The following MACROH2A2 variants were observed in gnomAD, a reference collection of about 807,000 sequenced individuals.
The protein encoded by MACROH2A2 is macroH2A.2 histone.
In MACROH2A2, 6 loss-of-function variants were observed where a neutral mutation model predicts 37.6. The observed-to-expected ratio is 0.16, with a 90% CI of 0.09 to 0.32. The LOEUF is 0.32. Among genes scored for constraint, MACROH2A2 ranks in the 10% least tolerant of loss-of-function variants. MACROH2A2 has a pLI of 1.00. For synonymous variants in MACROH2A2, 192 were observed against 202.7 expected (o/e 0.95, Z 0.45); for missense variants, 290 against 485.9 (o/e 0.60, Z 3.79).
At chr10:70,071,464 T>TA (rs1232338243) in intron 1 of MACROH2A2, among the ~76,000 whole-genome samples, 1 of 152,142 alleles carries the variant, frequency 6.6e-6, no homozygotes, top group Non-Finnish European at 1.5e-5. Context: ...AGAACAACTG[T>TA]AAGGATGTTA....
chr10:70,063,619 T>C (rs1050771535), intron 1 of MACROH2A2, among the ~76,000 whole-genome samples: 3 of 152,360 alleles, frequency 2.0e-5, no homozygotes, highest in Non-Finnish European at 4.4e-5. Context: ...TCTAGGCTGA[T>C]CCACAAATGA....
intron 4 of MACROH2A2, 47 bp from the exon 5 acceptor site, chr10:70,093,688 C>A: frequency 9.5e-7 from 1 of 1,049,896 alleles, no homozygotes; most frequent in African/African-American, 1.6e-5. Context: ...GCACCTCAGG[C>A]TTTTTCTGGA....
intron 6 of MACROH2A2, among the ~76,000 whole-genome samples, chr10:70,097,546 C>T (rs2072282832): frequency 6.6e-6 from 1 of 152,144 alleles, no homozygotes; most frequent in Non-Finnish European, 1.5e-5. Context: ...GTCAAGCATA[C>T]ACAAAAAATA....
At chr10:70,055,549 A>C (rs1271930785) in intron 1 of MACROH2A2, among the ~76,000 whole-genome samples, 1 of 97,850 alleles carries the variant, frequency 1.0e-5, no homozygotes, top group Non-Finnish European at 2.3e-5. Flanking sequence ...GAAAGAAATG[A>C]AATATAAGGA....
intron 4 of MACROH2A2, 78 bp from the exon 5 acceptor site, chr10:70,093,657 C>G (rs893713450): frequency 1.4e-6 from 1 of 737,106 alleles, no homozygotes; most frequent in Admixed American, 2.1e-5. Flanking sequence ...TGGTGGCAGC[C>G]GTGAGAAGAG....
chr10:70,073,380 T>C (rs2072121654), intron 1 of MACROH2A2, among the ~76,000 whole-genome samples: 1 of 152,208 alleles, frequency 6.6e-6, no homozygotes, highest in African/African-American at 2.4e-5. Context: ...TGGGAGATCT[T>C]GTTTCTTCCA....
At chr10:70,105,164 G>T (rs1365062629) in intron 7 of MACROH2A2, among the ~76,000 whole-genome samples, 2 of 152,218 alleles carry the variant, frequency 1.3e-5, no homozygotes, top group Non-Finnish European at 2.9e-5. Context: ...CAGTGACTGT[G>T]GCAGGAGCCA....
chr10:70,100,913 G>A lies in MACROH2A2; in HGVS notation c.778+616G>A, dbSNP rs533999271. Among the ~76,000 whole-genome samples, 143 of 152,164 alleles carry A rather than the reference G, an allele frequency of 9.4e-4. 1 individual carries two copies. Among genetic ancestry groups the A allele is most frequent in the Non-Finnish European group, 1.5e-3 (104 of 68,002 alleles). On this transcript the variant is annotated intron_variant, in intron 7 of 8. Transcript: ENST00000373255. ...ATTACAGACATGAGCCACCACACCC[G>A]GCCACTGGAACTATTTTAAAGCGTA...
chr10:70,089,942 C>G (rs1407756428), intron 2 of MACROH2A2, 118 bp from the exon 3 acceptor site: 2 of 742,468 alleles, frequency 2.7e-6, no homozygotes, highest in African/African-American at 3.5e-5. Flanking sequence ...CTTTCCAGGC[C>G]GAGACATAGA....
At chr10:70,092,761 G>A (rs2072253008) in intron 4 of MACROH2A2, among the ~76,000 whole-genome samples, 1 of 152,190 alleles carries the variant, frequency 6.6e-6, no homozygotes, top group Non-Finnish European at 1.5e-5. Flanking sequence ...TCTGAAGTGA[G>A]CGATGATAGC....
intron 1 of MACROH2A2, among the ~76,000 whole-genome samples, chr10:70,057,525 T>C (rs1266254519): frequency 6.6e-6 from 1 of 152,130 alleles, no homozygotes; most frequent in African/African-American, 2.4e-5. Flanking sequence ...TGCCCAGCCT[T>C]GGGAAAAACA....
At chr10:70,072,126 CTT>C (rs2136623200) in intron 1 of MACROH2A2, among the ~76,000 whole-genome samples, 1 of 152,220 alleles carries the variant, frequency 6.6e-6, no homozygotes, top group East Asian at 1.9e-4. Flanking sequence ...TGTAATAACA[CTT>C]AGCTTAAAAC....
chr10:70,070,287 C>G lies in MACROH2A2; in HGVS notation c.-59-5313C>G, dbSNP rs910992264. Among the ~76,000 whole-genome samples the G allele has an allele frequency of 1.3e-4, 20 of 152,288 alleles. No individual in the cohort carries two copies. In the East Asian group the frequency reaches 3.9e-3, roughly 29 times the overall value. ...TTAGACTTCAGATGGAGCTGCATCC[C>G]CCACCCAGGGGGATTTCCTCTAAGG... On this transcript the variant is annotated intron_variant, in intron 1 of 8. Coordinates refer to ENST00000373255, the MANE Select transcript of MACROH2A2 (RefSeq NM_018649.3).
At chr10:70,108,092 C>T (rs1026048962) in intron 7 of MACROH2A2, among the ~76,000 whole-genome samples, 2 of 152,088 alleles carry the variant, frequency 1.3e-5, no homozygotes, top group African/African-American at 4.8e-5. Flanking sequence ...CCTGTAATCC[C>T]AGCTACTCGA....
At position 70,053,079 on chromosome 10, in the gene MACROH2A2, AG is replaced by A. The variant is rs1485544194; in HGVS notation, c.-60+83del. 1 of 152,302 alleles carries A rather than the reference AG, an allele frequency of 6.6e-6. No homozygotes were observed. Among genetic ancestry groups the A allele is most frequent in the Non-Finnish European group, 1.5e-5 (1 of 68,154 alleles). 9.4% of individuals were successfully genotyped at this position (152,302 alleles called of 1,614,324 possible). A position where few individuals can be genotyped will look rare whatever the true frequency, so the allele number is the denominator to read the frequency against. On this transcript the variant is annotated intron_variant, in intron 1 of 8. Coordinates refer to ENST00000373255, the MANE Select transcript of MACROH2A2 (RefSeq NM_018649.3). The surrounding 1 kb of genome is among the most constrained non-coding windows in gnomAD (Gnocchi z 4.8). ...ACAAAACGCGCCGCCGGGGCAGTGC[AG>A]GGGCCGGAGAGAACCACCTCTGCCT...
chr10:70,087,702 C>T (rs914606957), intron 2 of MACROH2A2, among the ~76,000 whole-genome samples: 62 of 152,330 alleles, frequency 4.1e-4, no homozygotes, highest in Non-Finnish European at 2.8e-4. Flanking sequence ...TGTCCCGACA[C>T]GCATGCTCAC....
chr10:70,110,807 G>C (rs974748937), intron 8 of MACROH2A2, among the ~76,000 whole-genome samples: 1 of 152,122 alleles, frequency 6.6e-6, no homozygotes, highest in East Asian at 1.9e-4. Flanking sequence ...CAGATAGCTT[G>C]AGCCCAGAGG....
intron 1 of MACROH2A2, among the ~76,000 whole-genome samples, chr10:70,061,877 G>A (rs1184783802): frequency 6.6e-6 from 1 of 152,138 alleles, no homozygotes; most frequent in Non-Finnish European, 1.5e-5. Context: ...TTAATGTGCT[G>A]TAACATATAT....
chr10:70,101,917 G>T (rs1043149250), intron 7 of MACROH2A2, among the ~76,000 whole-genome samples: 52 of 152,268 alleles, frequency 3.4e-4, no homozygotes, highest in African/African-American at 1.3e-3. Flanking sequence ...TTTGGTGATT[G>T]TGAATAGAGC....
Sources: gnomAD v4.1 joint callset for allele counts (sites outside exome capture counted in the v4.1 genomes callset) on GRCh38, gnomAD v4.1.1 for gene constraint, Gnocchi (gnomAD v3.1) non-coding constraint, MANE v1.5 for transcripts, NCBI Gene and HGNC (gene_info 2026-07-23, HGNC 2026-07-21) for gene names.